The following IMPG2 variants were observed in gnomAD, a reference collection of about 807,000 sequenced individuals.
IMPG2 encodes interphotoreceptor matrix proteoglycan 2, also known as IPM 200.
Under a neutral mutation model 129.2 loss-of-function variants are expected in IMPG2, and 91 were observed. The observed-to-expected ratio is 0.70, with a 90% CI of 0.59 to 0.84. The LOEUF (loss-of-function observed/expected upper bound fraction) is 0.84. Ranked by LOEUF, IMPG2 falls within the 40% of genes least tolerant of loss-of-function variation. The pLI is 0.00. For missense variants in IMPG2, 1,430 were observed against 1,461.7 expected (o/e 0.98, Z 0.35); for synonymous variants, 510 against 517.7 (o/e 0.99, Z 0.20).
At chr3:101,228,594 C>A (rs1169888350) in intron 18 of IMPG2, among the ~76,000 whole-genome samples, 1 of 152,212 alleles carries the variant, frequency 6.6e-6, no homozygotes, top group East Asian at 1.9e-4. Flanking sequence ...ATAAGAAACA[C>A]TCAATTTACA....
chr3:101,231,711 C>A (rs1054713107), intron 15 of IMPG2, among the ~76,000 whole-genome samples: 2 of 152,224 alleles, frequency 1.3e-5, no homozygotes, highest in African/African-American at 2.4e-5. Context: ...TTTCTGGCAT[C>A]TATGCCAACA....
At chr3:101,229,230 A>G in intron 17 of IMPG2, 150 bp downstream of exon 17, 1 of 723,058 alleles carries the variant, frequency 1.4e-6, no homozygotes, top group Non-Finnish European at 2.4e-6. Context: ...GATACGAGGT[A>G]AAAACCAATT....
At chr3:101,261,548 TAATAC>T (rs1706670112) in intron 9 of IMPG2, among the ~76,000 whole-genome samples, 2 of 152,212 alleles carry the variant, frequency 1.3e-5, no homozygotes, top group African/African-American at 4.8e-5. Flanking sequence ...CATCTAAATA[TAATAC>T]TTCTATTATA....
chr3:101,295,733 C>T (rs1707072945), intron 3 of IMPG2, among the ~76,000 whole-genome samples: 1 of 151,988 alleles, frequency 6.6e-6, no homozygotes, highest in South Asian at 2.1e-4. Context: ...CTCTTATTTC[C>T]TTGAACAGTG....
intron 8 of IMPG2, among the ~76,000 whole-genome samples, chr3:101,269,015 G>A (rs911717583): frequency 1.3e-5 from 2 of 152,206 alleles, no homozygotes; most frequent in East Asian, 1.9e-4. Context: ...TATTCATTCA[G>A]TAAATGTTCA....
chr3:101,309,692 C>T (rs1031275922), intron 2 of IMPG2, among the ~76,000 whole-genome samples: 1 of 152,150 alleles, frequency 6.6e-6, no homozygotes, highest in African/African-American at 2.4e-5. Context: ...ACCATATCAC[C>T]TATGACCCAG....
chr3:101,230,170 A>G (rs1706270861), intron 16 of IMPG2, among the ~76,000 whole-genome samples: 1 of 152,220 alleles, frequency 6.6e-6, no homozygotes, highest in Non-Finnish European at 1.5e-5. Flanking sequence ...TGACGGAGGT[A>G]TGTCCCAGGT....
intron 12 of IMPG2, 124 bp from the exon 13 acceptor site, chr3:101,244,911 C>T (rs1289256581): frequency 2.5e-6 from 2 of 809,442 alleles, no homozygotes; most frequent in Non-Finnish European, 4.1e-6. Context: ...TTGACTTTTG[C>T]TTTTCTATAT....
At chr3:101,299,241 A>G (rs1341635817) in intron 3 of IMPG2, among the ~76,000 whole-genome samples, 1 of 152,182 alleles carries the variant, frequency 6.6e-6, no homozygotes, top group Non-Finnish European at 1.5e-5. Flanking sequence ...GAGCTCCATC[A>G]GGTCATTTAC....
At chr3:101,247,592 C>T (rs1285759914) in intron 11 of IMPG2, among the ~76,000 whole-genome samples, 5 of 98,406 alleles carry the variant, frequency 5.1e-5, no homozygotes, top group African/African-American at 1.2e-4. Context: ...AGCAAAACTC[C>T]GTCTCAAAAT....
chr3:101,233,102 A>G (rs1706308305), intron 14 of IMPG2, 111 bp from the exon 15 acceptor site: 2 of 924,994 alleles, frequency 2.2e-6, no homozygotes, highest in Non-Finnish European at 3.5e-6. Context: ...ACTCCTTTCC[A>G]GAACCATTAA....
At chr3:101,274,212 T>A (rs1318641592) in intron 6 of IMPG2, among the ~76,000 whole-genome samples, 1 of 151,836 alleles carries the variant, frequency 6.6e-6, no homozygotes, top group African/African-American at 2.4e-5. Flanking sequence ...ATAAATAAAA[T>A]AAATTAATAA....
intron 10 of IMPG2, among the ~76,000 whole-genome samples, chr3:101,254,026 C>T (rs896658044): frequency 2.0e-5 from 3 of 152,124 alleles, no homozygotes; most frequent in Admixed American, 6.6e-5. Flanking sequence ...ATTTAGGACA[C>T]TCCTCTATTA....
At chr3:101,247,113 G>GT (rs1281242659) in intron 11 of IMPG2, among the ~76,000 whole-genome samples, 1 of 149,632 alleles carries the variant, frequency 6.7e-6, no homozygotes, top group East Asian at 2.0e-4. Flanking sequence ...AAAAAAAAAT[G>GT]TTTAACAATA....
chr3:101,229,625 T>A, intron 16 of IMPG2, 35 bp from the exon 17 acceptor site: 1 of 1,574,102 alleles, frequency 6.4e-7, no homozygotes, highest in Non-Finnish European at 8.7e-7. Flanking sequence ...AGGCTCTTGT[T>A]TGGATGCTCA....
rs780765989 is a variant in IMPG2 at position 101,293,144 on chromosome 3, G to A, written c.502-1634C>T. Among the ~76,000 whole-genome samples the A allele has an allele frequency of 1.3e-3, 195 of 152,122 alleles. 1 individual carries two copies. Among genetic ancestry groups the A allele is most frequent in the Non-Finnish European group, 2.3e-3 (157 of 68,028 alleles). On this transcript the variant is annotated intron_variant, in intron 3 of 18. Transcript: ENST00000193391. Reference sequence around the variant, plus strand: ...GAATGTTGTCAGTGCCATCTAGATGGTAAATCCTTTCCTGAAGATTTTCAG... The same window carrying A: ...GAATGTTGTCAGTGCCATCTAGATGATAAATCCTTTCCTGAAGATTTTCAG...
chr3:101,247,760 G>T (rs934657036), intron 11 of IMPG2, among the ~76,000 whole-genome samples: 1 of 152,140 alleles, frequency 6.6e-6, no homozygotes, highest in African/African-American at 2.4e-5. Flanking sequence ...GTTGGATCAT[G>T]TTCTGGGCAT....
intron 3 of IMPG2, among the ~76,000 whole-genome samples, chr3:101,295,175 A>G (rs1017477973): frequency 1.2e-4 from 18 of 152,234 alleles, no homozygotes; most frequent in African/African-American, 4.3e-4. Context: ...CCTGAATGGT[A>G]TTGCCTAGGT....
chr3:101,259,112 A>C (rs1706642932), intron 9 of IMPG2, among the ~76,000 whole-genome samples: 1 of 152,142 alleles, frequency 6.6e-6, no homozygotes, highest in Non-Finnish European at 1.5e-5. Flanking sequence ...AGTAGCTTCA[A>C]TTAAACTATT....
Sources: gnomAD v4.1 joint callset for allele counts (sites outside exome capture counted in the v4.1 genomes callset) on GRCh38, gnomAD v4.1.1 for gene constraint, MANE v1.5 for transcripts, NCBI Gene and HGNC (gene_info 2026-07-23, HGNC 2026-07-21) for gene names.